CDH18: variants seen among roughly 807,000 people sequenced by gnomAD.
The protein encoded by CDH18 is cadherin 18, also known as cadherin-18.
In CDH18, 31 loss-of-function variants were observed where a neutral mutation model predicts 67.9. The ratio of observed to expected loss-of-function variants is 0.46; its 90% CI spans 0.34 to 0.62. The LOEUF (loss-of-function observed/expected upper bound fraction) is 0.62, where lower values mean the gene tolerates loss of function less well. CDH18 is among the 20% of genes least tolerant of loss of function. The probability of loss-of-function intolerance (pLI) is 0.01; values close to 1 mark genes in which losing one functional copy is unlikely to be tolerated. For missense variants in CDH18, 890 were observed against 975.5 expected (o/e 0.91, Z 1.17); for synonymous variants, 362 against 347.2 (o/e 1.04, Z -0.48).
intron 2 of CDH18, among the ~76,000 whole-genome samples, chr5:20,069,794 C>T (rs1743311195): frequency 6.6e-6 from 1 of 152,076 alleles, no homozygotes; most frequent in Non-Finnish European, 1.5e-5. Context: ...AGAGATTGCC[C>T]ATATACCTCT....
chr5:20,142,495 A>C (rs1750321744), intron 2 of CDH18, among the ~76,000 whole-genome samples: 1 of 151,814 alleles, frequency 6.6e-6, no homozygotes, highest in Admixed American at 6.6e-5. Context: ...CACGAGAATC[A>C]CTTTAACCCA....
chr5:19,966,702 G>C (rs550258490), intron 2 of CDH18, among the ~76,000 whole-genome samples: 1 of 151,934 alleles, frequency 6.6e-6, no homozygotes, highest in African/African-American at 2.4e-5. Flanking sequence ...CTTTCCAATA[G>C]TAAACTACTA....
rs557872605 is a variant in CDH18, at chr5:20,042,086, C to G, written c.-517-50072G>C. ...TGTGTCAGCCAGAGTTCAAGGCACA[C>G]GAGCTTTTCTCACACTGACATGTTC... On this transcript the variant is annotated intron_variant, in intron 2 of 14. Coordinates refer to the CDH18 transcript ENST00000507958. Among the ~76,000 whole-genome samples the G allele has an allele frequency of 2.0e-5, 3 of 152,346 alleles. No individual in the cohort carries two copies. In the South Asian group the frequency reaches 6.2e-4, roughly 32 times the overall value.
chr5:19,525,234 C>T (rs1235377515), intron 9 of CDH18, among the ~76,000 whole-genome samples: 3 of 152,186 alleles, frequency 2.0e-5, no homozygotes, highest in Non-Finnish European at 4.4e-5. Context: ...TTGCAGCTTT[C>T]CCCTGGGACT....
intron 2 of CDH18, among the ~76,000 whole-genome samples, chr5:19,882,799 G>A (rs1787793725): frequency 6.6e-6 from 1 of 152,104 alleles, no homozygotes; most frequent in East Asian, 1.9e-4. Context: ...ACGTATGTAT[G>A]ATTATGGAAT....
chr5:19,702,148 C>CTTTT lies in CDH18; in HGVS notation c.643+19195_643+19198dup, dbSNP rs70950086. 9.8e-4 allele frequency among the ~76,000 whole-genome samples: 113 copies of CTTTT among 114,858 alleles called. 2 individuals are homozygous for CTTTT. The highest frequency in any genetic ancestry group is 3.6e-3 in the African/African-American group (103 of 28,320). The allele number at this position is 114,858 out of a possible 152,430, so 75.4% of individuals were successfully genotyped here. A position where few individuals can be genotyped will look rare whatever the true frequency, so the allele number is the denominator to read the frequency against. Reference sequence around the variant, plus strand: ...CAGTGTTCTTTCTTTCTTTCTCTCTCTTTTTTTTTTTTTTTTTTGAGATGG... The same window carrying CTTTT: ...CAGTGTTCTTTCTTTCTTTCTCTCTCTTTTTTTTTTTTTTTTTTTTTTGAGATGG... On this transcript the variant is annotated intron_variant, in intron 5 of 12. Transcript: ENST00000382275.
chr5:19,700,309 G>C (rs1763073483), intron 5 of CDH18, among the ~76,000 whole-genome samples: 1 of 152,042 alleles, frequency 6.6e-6, no homozygotes, highest in South Asian at 2.1e-4. Context: ...ACCGTATCTA[G>C]ACATTTCTAC....
chr5:20,470,446 C>T (rs1386237665), intron 1 of CDH18, among the ~76,000 whole-genome samples: 1 of 152,134 alleles, frequency 6.6e-6, no homozygotes, highest in Non-Finnish European at 1.5e-5. Flanking sequence ...ATTCCCTTCT[C>T]TTTCATACTC....
chr5:20,146,622 A>C (rs1750667120), intron 2 of CDH18, among the ~76,000 whole-genome samples: 2 of 151,792 alleles, frequency 1.3e-5, no homozygotes, highest in East Asian at 3.9e-4. Context: ...TTTTGTAAAA[A>C]AAAAAAAAAT....
intron 3 of CDH18, among the ~76,000 whole-genome samples, chr5:19,777,571 A>T (rs1774546415): frequency 6.6e-6 from 1 of 152,220 alleles, no homozygotes; most frequent in Non-Finnish European, 1.5e-5. Context: ...TTGAAAAAGA[A>T]TTAGGGCCTA....
Position 19,687,953 on chromosome 5 carries a change from G to A in CDH18, c.643+33394C>T, listed in dbSNP as rs1293039238. Among the ~76,000 whole-genome samples the A allele has an allele frequency of 2.0e-5, 3 of 152,122 alleles. No individual in the cohort carries two copies. The East Asian group carries it at 5.8e-4, about 29-fold the overall frequency. ...AATCCCACCCAGCTTGGCACCACTT[G>A]TGCAGTACCAAAACATACTGCCCAA... On this transcript the variant is annotated intron_variant, in intron 5 of 12. Transcript: ENST00000382275.
intron 1 of CDH18, among the ~76,000 whole-genome samples, chr5:20,445,539 A>G (rs559089282): frequency 2.0e-5 from 3 of 152,186 alleles, no homozygotes; most frequent in Non-Finnish European, 4.4e-5. Flanking sequence ...GAGAGGTTAA[A>G]CTCAACTCTG....
rs1769503806 is a variant in CDH18 at position 19,743,468 on chromosome 5, G to C, written c.523+3474C>G. 2.0e-5 allele frequency among the ~76,000 whole-genome samples: 3 copies of C among 152,088 alleles called. No homozygotes were observed. The South Asian group carries it at 6.2e-4, about 32-fold the overall frequency. The stretch of plus-strand genomic sequence containing the variant: ...ATATGACCTTCTTCCCAAACATCCA[G>C]CTCTGCCATTGCCGTGCCAAAACTA... On this transcript the variant is annotated intron_variant, in intron 4 of 12. Coordinates refer to ENST00000382275, the MANE Select transcript of CDH18 (RefSeq NM_004934.5).
At chr5:19,687,163 C>A (rs1272691160) in intron 5 of CDH18, among the ~76,000 whole-genome samples, 2 of 152,102 alleles carry the variant, frequency 1.3e-5, no homozygotes, top group Non-Finnish European at 2.9e-5. Flanking sequence ...GTCCTTGATG[C>A]CGGCATGCTG....
At chr5:20,288,333 G>C (rs1746842683) in intron 1 of CDH18, among the ~76,000 whole-genome samples, 1 of 151,638 alleles carries the variant, frequency 6.6e-6, no homozygotes, top group South Asian at 2.1e-4. Flanking sequence ...TTTAGTTGGA[G>C]TCAAATTACT....
At chr5:19,493,831 G>C (rs1352358067) in intron 11 of CDH18, among the ~76,000 whole-genome samples, 1 of 151,902 alleles carries the variant, frequency 6.6e-6, no homozygotes, top group Non-Finnish European at 1.5e-5. Flanking sequence ...GGCAATAATA[G>C]CTCCAACAGT....
intron 5 of CDH18, among the ~76,000 whole-genome samples, chr5:19,683,848 G>T (rs531702500): frequency 9.0e-4 from 136 of 151,800 alleles, no homozygotes; most frequent in African/African-American, 3.1e-3. Flanking sequence ...TTGTTCACAC[G>T]TGTCCCCTGT....
chr5:19,605,000 T>G (rs557823651), intron 6 of CDH18, among the ~76,000 whole-genome samples: 1 of 151,998 alleles, frequency 6.6e-6, no homozygotes, highest in South Asian at 2.1e-4. Context: ...GGTGTGCAAA[T>G]TGATTTGTAA....
intron 1 of CDH18, among the ~76,000 whole-genome samples, chr5:20,458,645 A>AC (rs150616880): frequency 5.3e-5 from 8 of 151,618 alleles, no homozygotes; most frequent in Non-Finnish European, 1.0e-4. Context: ...ACAACAAAAA[A>AC]CCCATATGTA....
Sources: gnomAD v4.1 joint callset for allele counts (sites outside exome capture counted in the v4.1 genomes callset) on GRCh38, gnomAD v4.1.1 for gene constraint, MANE v1.5 for transcripts, NCBI Gene and HGNC (gene_info 2026-07-23, HGNC 2026-07-21) for gene names.